KDM7A: variants seen among roughly 807,000 people sequenced by gnomAD.
KDM7A encodes lysine-specific demethylase 7A.
A neutral mutation model predicts 114.8 loss-of-function variants in KDM7A; 28 were observed. The observed-to-expected ratio is 0.24, with a 90% CI of 0.18 to 0.33. KDM7A has a LOEUF of 0.33. Ranked by LOEUF, KDM7A falls within the 10% of genes least tolerant of loss-of-function variation. The pLI, the probability that KDM7A is intolerant of heterozygous loss-of-function variation, is 1.00. For missense variants in KDM7A, 942 were observed against 1,142.5 expected, an observed-to-expected ratio of 0.82 and a Z score of 2.53; for synonymous variants, 423 against 397.8, an observed-to-expected ratio of 1.06 and a Z score of -0.75.
Position 140,096,680 on chromosome 7 carries a change from A to G in KDM7A, c.2249T>C (p.Leu750Ser). 2 of 1,614,182 alleles carry G rather than the reference A, an allele frequency of 1.2e-6. No homozygotes were observed. The highest frequency in any genetic ancestry group is 1.7e-6 in the Non-Finnish European group (2 of 1,180,002). ...GTCTGTGCTTTGTATTTGCCTTTGTAAACACGTGGAATAGTGCAACCCTGC... is the reference window on the plus strand; with the variant it reads ...GTCTGTGCTTTGTATTTGCCTTTGTGAACACGTGGAATAGTGCAACCCTGC... ...SMAGLHYSTC[L>S]QRQIQSTDCS... is the part of the protein sequence containing the mutation. The change falls in exon 17 of 20, where the codon TTA becomes TCA. Residue 750 changes from leucine to serine, a missense_variant. By Grantham distance (145) the Leu-to-Ser change is moderately radical. This residue lies in a region of KDM7A where 512 missense variants were observed against 576.6 expected (regional missense o/e 0.89). Transcript: ENST00000397560.
intron 1 of KDM7A, among the ~76,000 whole-genome samples, chr7:140,167,399 G>T (rs6948147): frequency 0.42 from 64,527 of 151,866 alleles, 14,035 homozygotes; most frequent in Middle Eastern, 0.48. Context: ...GAAACATCAA[G>T]GGACAAATCA....
chr7:140,120,069 G>C (rs990930622), intron 8 of KDM7A, among the ~76,000 whole-genome samples: 1 of 152,182 alleles, frequency 6.6e-6, no homozygotes, highest in Admixed American at 6.5e-5. Flanking sequence ...TGTTTTGATA[G>C]CAGTCCTGAC....
At chr7:140,153,934 G>C (rs943755683) in intron 1 of KDM7A, among the ~76,000 whole-genome samples, 1 of 152,086 alleles carries the variant, frequency 6.6e-6, no homozygotes, top group Non-Finnish European at 1.5e-5. Flanking sequence ...TTACTGAGAG[G>C]CAAGGAGGCA....
chr7:140,146,240 ATAAAAT>A (rs898506022), intron 1 of KDM7A, among the ~76,000 whole-genome samples: 8 of 152,246 alleles, frequency 5.3e-5, no homozygotes, highest in African/African-American at 1.9e-4. Context: ...ATTTTAAAAA[ATAAAAT>A]TAAACACAAA....
chr7:140,093,944 C>T, intron 18 of KDM7A, 112 bp downstream of exon 18: 1 of 720,494 alleles, frequency 1.4e-6, no homozygotes. Context: ...AATTTTCTGG[C>T]TGCCTAGATC....
chr7:140,148,379 T>TTTTTG (rs896110993), intron 1 of KDM7A, among the ~76,000 whole-genome samples: 11 of 149,920 alleles, frequency 7.3e-5, no homozygotes, highest in Admixed American at 4.0e-4. Flanking sequence ...CTTTACCTGT[T>TTTTTG]TTTTGTTTTG....
chr7:140,172,450 G>A (rs1048046839), intron 1 of KDM7A, among the ~76,000 whole-genome samples: 1 of 151,876 alleles, frequency 6.6e-6, no homozygotes, highest in South Asian at 2.1e-4. Context: ...TCAGGAGATC[G>A]AGACCATCCT....
At chr7:140,119,078 T>C in intron 9 of KDM7A, 35 bp downstream of exon 9, 1 of 1,242,326 alleles carries the variant, frequency 8.0e-7, no homozygotes, top group Non-Finnish European at 1.2e-6. Context: ...ACAATATGCA[T>C]CATATCATAT....
chr7:140,137,538 A>G (rs528987255), intron 2 of KDM7A, among the ~76,000 whole-genome samples: 1 of 152,344 alleles, frequency 6.6e-6, no homozygotes, highest in African/African-American at 2.4e-5. Flanking sequence ...GTCAACAATT[A>G]TTTCAAGTTA....
intron 1 of KDM7A, among the ~76,000 whole-genome samples, chr7:140,161,608 C>A (rs113122851): frequency 4.0e-4 from 60 of 151,422 alleles, no homozygotes; most frequent in South Asian, 8.4e-4. Context: ...AGTGCTGTGG[C>A]GTGATCTCGG....
chr7:140,110,425 T>A (rs1318102615), intron 11 of KDM7A, among the ~76,000 whole-genome samples: 1 of 152,186 alleles, frequency 6.6e-6, no homozygotes, highest in Non-Finnish European at 1.5e-5. Context: ...AGCATTTTAG[T>A]ATTTTGTAAA....
intron 1 of KDM7A, among the ~76,000 whole-genome samples, chr7:140,165,640 G>A (rs1260293764): frequency 6.6e-6 from 1 of 152,090 alleles, no homozygotes; most frequent in East Asian, 1.9e-4. Context: ...CTCTGTTAGT[G>A]TATCCAGACT....
chr7:140,094,223 G>C (rs781508536), intron 17 of KDM7A, 85 bp from the exon 18 acceptor site: 1 of 870,206 alleles, frequency 1.1e-6, no homozygotes, highest in Non-Finnish European at 2.0e-6. Flanking sequence ...AATGAAAGCA[G>C]GTTGGGCGTG....
rs1478107145 is a variant in KDM7A at position 140,089,997 on chromosome 7, C to G, written c.*1097G>C. ...TCCTAAATAACATTTCCCAACAAAT[C>G]AGGTATGGAGCATAAAAGTATCATA... On this transcript the variant is annotated 3_prime_UTR_variant, in exon 20 of 20. Coordinates refer to ENST00000397560, the MANE Select transcript of KDM7A (RefSeq NM_030647.2). The G allele has an allele frequency of 2.6e-5, 4 of 152,152 alleles. No homozygotes were observed. Among genetic ancestry groups the G allele is most frequent in the Non-Finnish European group, 5.9e-5 (4 of 68,036 alleles). The allele number at this position is 152,152 out of a possible 1,614,324, so 9.4% of individuals were successfully genotyped here.
rs551319815 is a variant in KDM7A at position 140,115,144 on chromosome 7, C to A, written c.1247-1562G>T. Reference sequence around the variant, plus strand: ...GAGGCAGGTTGGGGCCAGCCCCCGGCCAGCCAGCTGCCCCATCAGGGAGGG... The same window carrying A: ...GAGGCAGGTTGGGGCCAGCCCCCGGACAGCCAGCTGCCCCATCAGGGAGGG... On this transcript the variant is annotated intron_variant, in intron 9 of 19. Transcript: ENST00000397560. 4.3e-3 allele frequency among the ~76,000 whole-genome samples: 649 copies of A among 151,242 alleles called. 9 individuals carry two copies. Among genetic ancestry groups the A allele is most frequent in the African/African-American group, 0.014 (591 of 41,212 alleles).
chr7:140,149,690 G>A (rs1186553893), intron 1 of KDM7A, among the ~76,000 whole-genome samples: 1 of 152,136 alleles, frequency 6.6e-6, no homozygotes, highest in Admixed American at 6.5e-5. Flanking sequence ...TGGAGATAAA[G>A]ACTATTCTTT....
chr7:140,155,510 C>T (rs1355512308), intron 1 of KDM7A, among the ~76,000 whole-genome samples: 1 of 152,222 alleles, frequency 6.6e-6, no homozygotes, highest in African/African-American at 2.4e-5. Flanking sequence ...TGGCTAGGGT[C>T]ATCCTTTTGT....
At chr7:140,139,255 A>C in intron 1 of KDM7A, 65 bp from the exon 2 acceptor site, 1 of 1,084,750 alleles carries the variant, frequency 9.2e-7, no homozygotes, top group South Asian at 1.3e-5. Flanking sequence ...ACTATAATAC[A>C]GTGGTTGGAA....
At chr7:140,117,971 A>C (rs1240821422) in intron 9 of KDM7A, among the ~76,000 whole-genome samples, 1 of 152,232 alleles carries the variant, frequency 6.6e-6, no homozygotes, top group Non-Finnish European at 1.5e-5. Context: ...GGTTTAGGGT[A>C]CCATTGTTAT....
Sources: gnomAD v4.1 joint callset for allele counts (sites outside exome capture counted in the v4.1 genomes callset) on GRCh38, gnomAD v4.1.1 for gene constraint, gnomAD v4.1.1 regional missense constraint, MANE v1.5 for transcripts, NCBI Gene and HGNC (gene_info 2026-07-23, HGNC 2026-07-21) for gene names.